Variants in KBTBD2 observed in about 807,000 individuals in gnomAD.
The protein encoded by KBTBD2 is kelch repeat and BTB domain-containing protein 2.
In KBTBD2, 17 loss-of-function variants were observed where a neutral mutation model predicts 57.1. That is an observed-to-expected ratio of 0.30 (90% confidence interval 0.20 to 0.45). The LOEUF (loss-of-function observed/expected upper bound fraction) is 0.45. Ranked by LOEUF, KBTBD2 falls within the 20% of genes least tolerant of loss-of-function variation. The pLI is 1.00. For synonymous variants in KBTBD2, 267 were observed against 262.7 expected (o/e 1.02, Z -0.16); for missense variants, 515 against 750.6 (o/e 0.69, Z 3.67).
intron 2 of KBTBD2, 43 bp downstream of exon 2, chr7:32,879,392 A>C: frequency 7.0e-7 from 1 of 1,428,034 alleles, no homozygotes; most frequent in Non-Finnish European, 9.5e-7. Flanking sequence ...AAAATTAAAT[A>C]ACATTTCAAA....
At chr7:32,883,065 T>C (rs746076085) in intron 1 of KBTBD2, among the ~76,000 whole-genome samples, 12 of 150,582 alleles carry the variant, frequency 8.0e-5, no homozygotes, top group Non-Finnish European at 1.8e-4. Context: ...CTTCAAAAGG[T>C]ATTAACTAAA....
chr7:32,881,671 A>T (rs1784447821), intron 1 of KBTBD2, among the ~76,000 whole-genome samples: 1 of 152,230 alleles, frequency 6.6e-6, no homozygotes, highest in African/African-American at 2.4e-5. Flanking sequence ...CTTCCAGAAC[A>T]GCATGTCACA....
intron 1 of KBTBD2, among the ~76,000 whole-genome samples, chr7:32,885,829 T>G (rs1271192472): frequency 2.6e-5 from 4 of 152,156 alleles, no homozygotes; most frequent in South Asian, 2.1e-4. Context: ...TTTGACTGAT[T>G]TGCTTGATCG....
intron 3 of KBTBD2, among the ~76,000 whole-genome samples, chr7:32,872,131 T>C (rs1409970957): frequency 6.6e-6 from 1 of 152,010 alleles, no homozygotes; most frequent in Non-Finnish European, 1.5e-5. Flanking sequence ...GCCCAGCAAT[T>C]TGAGACTGCA....
At chr7:32,891,853 T>TCCGGGGCCGCGAGACG (rs1388907613), upstream of KBTBD2, 6 of 113,778 alleles carry the variant, frequency 5.3e-5, no homozygotes, top group East Asian at 1.9e-3. Flanking sequence ...GCCTTGTCAG[T>TCCGGGGCCGCGAGACG]CCGGGGCCGC....
intron 1 of KBTBD2, among the ~76,000 whole-genome samples, chr7:32,887,227 G>T (rs944131295): frequency 1.8e-4 from 27 of 152,306 alleles, no homozygotes; most frequent in African/African-American, 6.5e-4. Flanking sequence ...AAAAAGATGG[G>T]AAGGAGGCTG....
intron 2 of KBTBD2, among the ~76,000 whole-genome samples, chr7:32,875,859 G>A (rs916909660): frequency 5.9e-5 from 9 of 152,026 alleles, no homozygotes; most frequent in Non-Finnish European, 1.3e-4. Context: ...AGAGACAGAA[G>A]GTAGATTAGT....
At position 32,879,424 on chromosome 7, in the gene KBTBD2, A is replaced by G. The variant is rs1168131240; in HGVS notation, c.170+11T>C. ...CAAAGAATTTCTATTTAAAACATTA[A>G]AAGTACTTACCTGAAATAAGAGCTA... On this transcript the variant is annotated intron_variant, in intron 2 of 3. Transcript: ENST00000304056. 5 of 1,552,884 alleles carry G rather than the reference A, an allele frequency of 3.2e-6. No individual in the cohort carries two copies. In the African/African-American group the frequency reaches 4.1e-5, roughly 13 times the overall value.
intron 1 of KBTBD2, among the ~76,000 whole-genome samples, chr7:32,885,190 G>A (rs1453372500): frequency 6.6e-6 from 1 of 151,514 alleles, no homozygotes; most frequent in African/African-American, 2.4e-5. Flanking sequence ...ACTGCTTCTT[G>A]ATGAAATATT....
chr7:32,881,639 CATTTAAGGTA>C (rs1784446872), intron 1 of KBTBD2, among the ~76,000 whole-genome samples: 1 of 152,216 alleles, frequency 6.6e-6, no homozygotes, highest in Non-Finnish European at 1.5e-5. Context: ...GACTCTGGGT[CATTTAAGGTA>C]ATAACTTTGC....
chr7:32,884,146 GA>G (rs1292719422), intron 1 of KBTBD2, among the ~76,000 whole-genome samples: 2 of 152,140 alleles, frequency 1.3e-5, no homozygotes, highest in African/African-American at 4.8e-5. Flanking sequence ...CAGGAGGAAG[GA>G]AAAACTTATT....
chr7:32,879,281 G>C (rs1173602520), intron 2 of KBTBD2, among the ~76,000 whole-genome samples, 154 bp downstream of exon 2: 27 of 152,152 alleles, frequency 1.8e-4, no homozygotes, highest in Middle Eastern at 3.4e-3. Context: ...TCTTTCATGT[G>C]TCTCTTACAC....
chr7:32,878,528 C>G (rs946078361), intron 2 of KBTBD2, among the ~76,000 whole-genome samples: 5 of 150,220 alleles, frequency 3.3e-5, no homozygotes, highest in Admixed American at 6.7e-5. Flanking sequence ...TGCAGTGAGC[C>G]GAGATCGCGC....
At chr7:32,882,786 C>T (rs1344548997) in intron 1 of KBTBD2, among the ~76,000 whole-genome samples, 1 of 151,056 alleles carries the variant, frequency 6.6e-6, no homozygotes, top group Non-Finnish European at 1.5e-5. Flanking sequence ...GAGTTCAAGA[C>T]CAGCCTGGCC....
intron 1 of KBTBD2, among the ~76,000 whole-genome samples, chr7:32,882,352 G>A (rs1784465458): frequency 6.6e-6 from 1 of 152,180 alleles, no homozygotes; most frequent in South Asian, 2.1e-4. Flanking sequence ...TTGCAGGCTA[G>A]CGGTACAGGC....
intron 1 of KBTBD2, among the ~76,000 whole-genome samples, chr7:32,886,437 G>A (rs936918864): frequency 6.6e-5 from 10 of 152,092 alleles, no homozygotes; most frequent in Non-Finnish European, 1.2e-4. Context: ...GTTAGCAATC[G>A]ACAGTAACAT....
At chr7:32,885,265 C>A (rs1043751330) in intron 1 of KBTBD2, among the ~76,000 whole-genome samples, 1 of 151,542 alleles carries the variant, frequency 6.6e-6, no homozygotes, top group Admixed American at 6.6e-5. Flanking sequence ...CTTCAGATCA[C>A]AAAACAAGGA....
At position 32,870,296 on chromosome 7, in the gene KBTBD2, C is replaced by A. The variant is rs1562530603; in HGVS notation, c.921G>T (p.Lys307Asn). 1 of 1,614,034 alleles carries A rather than the reference C, an allele frequency of 6.2e-7. No homozygotes were observed. The highest frequency in any genetic ancestry group is 1.3e-5 in the African/African-American group (1 of 74,932). Residue 307 changes from lysine to asparagine, a missense_variant, in exon 4 of 4, where the codon AAG becomes AAT. Physicochemically the swap from Lys to Asn is moderately conservative, Grantham distance 94. Coordinates refer to ENST00000304056, the MANE Select transcript of KBTBD2 (RefSeq NM_015483.3). Reference protein sequence around the residue: ...KLCSPPADLHKVGTVVTPDND... With the variant: ...KLCSPPADLHNVGTVVTPDND... ...TATCAGGAGTTACAACGGTCCCAAC[C>A]TTATGCAAATCAGCTGGTGGGCTAC...
intron 3 of KBTBD2, among the ~76,000 whole-genome samples, chr7:32,872,993 C>G (rs1279325605): frequency 2.0e-5 from 3 of 152,142 alleles, no homozygotes; most frequent in African/African-American, 7.2e-5. Flanking sequence ...CAGGTGTTGG[C>G]ATTCAACCAG....
Sources: gnomAD v4.1 joint callset for allele counts (sites outside exome capture counted in the v4.1 genomes callset) on GRCh38, gnomAD v4.1.1 for gene constraint, MANE v1.5 for transcripts, NCBI Gene and HGNC (gene_info 2026-07-23, HGNC 2026-07-21) for gene names.